Variants in LITAF observed in about 807,000 individuals in gnomAD.
The protein encoded by LITAF is lipopolysaccharide induced TNF factor.
A neutral mutation model predicts 14.5 loss-of-function variants in LITAF; 9 were observed. The observed-to-expected ratio is 0.62, with a 90% CI of 0.37 to 1.08. The LOEUF is 1.08. Ranked by LOEUF, LITAF falls within the 50% of genes least tolerant of loss-of-function variation. LITAF has a pLI of 0.01. For synonymous variants in LITAF, 98 were observed against 88.2 expected, an observed-to-expected ratio of 1.11 and a Z score of -0.62; for missense variants, 206 against 213.4, an observed-to-expected ratio of 0.97 and a Z score of 0.22.
chr16:11,576,835 T>G (rs1243855982), intron 1 of LITAF, among the ~76,000 whole-genome samples: 1 of 152,166 alleles, frequency 6.6e-6, no homozygotes, highest in African/African-American at 2.4e-5. Flanking sequence ...ATATATACCT[T>G]ATTTGGGAGT....
intron 3 of LITAF, chr16:11,551,706 C>G (rs1414483319): frequency 1.5e-6 from 1 of 663,124 alleles, no homozygotes; most frequent in Admixed American, 2.4e-5. Context: ...GTGGCACACA[C>G]CTGTGGTCCC....
intron 1 of LITAF, chr16:11,575,705 G>T (rs1597351523): frequency 6.6e-6 from 1 of 152,046 alleles, no homozygotes. Flanking sequence ...CACATCAAAG[G>T]TCTCACGGCC....
chr16:11,609,103 T>A (rs1480401532), intron 3 of LITAF, among the ~76,000 whole-genome samples: 1 of 152,082 alleles, frequency 6.6e-6, no homozygotes, highest in Non-Finnish European at 1.5e-5. Context: ...TAGACAGCGA[T>A]GGCTAAAGGG....
rs2064811165 is a variant in LITAF, at chr16:11,586,642, G to A, written c.-6+244C>T. On this transcript the variant is annotated intron_variant, in intron 1 of 3. Coordinates refer to ENST00000622633, the MANE Select transcript of LITAF (RefSeq NM_001136472.2). This position sits in a 1 kb window ranked among gnomAD's most constrained non-coding sequence, Gnocchi z 6.5. Reference sequence around the variant, plus strand: ...ACGCGCGATCGGGCCACTCTGGGACGCAGGAGCTGAACCCAACCGGAGACG... The same window carrying A: ...ACGCGCGATCGGGCCACTCTGGGACACAGGAGCTGAACCCAACCGGAGACG... Among the ~76,000 whole-genome samples, 1 of 151,804 alleles carries A rather than the reference G, an allele frequency of 6.6e-6. No homozygotes were observed. Among genetic ancestry groups the A allele is most frequent in the Non-Finnish European group, 1.5e-5 (1 of 67,852 alleles).
chr16:11,607,358 T>A (rs2064960065), intron 3 of LITAF, among the ~76,000 whole-genome samples: 1 of 152,200 alleles, frequency 6.6e-6, no homozygotes. Flanking sequence ...TAAGGGCCTG[T>A]AGGAGAAAAG....
chr16:11,563,968 A>G (rs1308317244), intron 1 of LITAF, among the ~76,000 whole-genome samples: 2 of 151,984 alleles, frequency 1.3e-5, no homozygotes, highest in Middle Eastern at 3.2e-3. Flanking sequence ...GTGTAGTGGC[A>G]TGATTTCAGC....
intron 3 of LITAF, among the ~76,000 whole-genome samples, chr16:11,616,280 C>G (rs1455294347): frequency 6.6e-6 from 1 of 152,072 alleles, no homozygotes; most frequent in Non-Finnish European, 1.5e-5. Flanking sequence ...TTGAGACCAG[C>G]CTGGGCAACA....
At chr16:11,571,121 G>A (rs1333664365) in intron 1 of LITAF, among the ~76,000 whole-genome samples, 2 of 152,130 alleles carry the variant, frequency 1.3e-5, no homozygotes, top group East Asian at 1.9e-4. Context: ...AGGCTGGAGT[G>A]TAGTAGTGCG....
intron 1 of LITAF, among the ~76,000 whole-genome samples, chr16:11,562,047 T>C (rs1260063089): frequency 6.6e-6 from 1 of 151,680 alleles, no homozygotes; most frequent in Non-Finnish European, 1.5e-5. Flanking sequence ...GCCTCTGGAG[T>C]AGGTGGGACT....
chr16:11,614,617 T>A (rs145953388), intron 3 of LITAF, among the ~76,000 whole-genome samples: 25,766 of 151,540 alleles, frequency 0.17, 2,804 homozygotes, highest in Non-Finnish European at 0.26. Context: ...GGTTTTTTTT[T>A]AAGATGGGGT....
chr16:11,600,082 C>G (rs2064917913), upstream of LITAF, among the ~76,000 whole-genome samples: 1 of 152,158 alleles, frequency 6.6e-6, no homozygotes. This position sits in a 1 kb window ranked among gnomAD's most constrained non-coding sequence, Gnocchi z 4.1. Flanking sequence ...ACGGCAGCCT[C>G]AAACTCCTAG....
intron 1 of LITAF, among the ~76,000 whole-genome samples, chr16:11,570,630 G>A (rs2064527036): frequency 6.6e-6 from 1 of 152,226 alleles, no homozygotes; most frequent in African/African-American, 2.4e-5. Context: ...AGAATCTTGA[G>A]ATGAGGGGGT....
chr16:11,639,470 G>A (rs764817674), upstream of LITAF, among the ~76,000 whole-genome samples: 16 of 151,970 alleles, frequency 1.1e-4, no homozygotes, highest in African/African-American at 3.9e-4. Context: ...TGGGTGGATG[G>A]ATGGATGGAT....
chr16:11,594,358 C>T (rs570679035), intron 1 of LITAF, among the ~76,000 whole-genome samples: 8 of 151,738 alleles, frequency 5.3e-5, no homozygotes, highest in Non-Finnish European at 1.2e-4. Flanking sequence ...AAGAGGAGGC[C>T]AGGCAGGCTA....
At chr16:11,611,731 C>T (rs2064983301) in intron 3 of LITAF, among the ~76,000 whole-genome samples, 1 of 150,944 alleles carries the variant, frequency 6.6e-6, no homozygotes, top group African/African-American at 2.4e-5. Context: ...GGTGCGATCT[C>T]GCCTCACTGC....
intron 3 of LITAF, among the ~76,000 whole-genome samples, chr16:11,616,282 T>C (rs1567264680): frequency 6.6e-6 from 1 of 152,140 alleles, no homozygotes; most frequent in Non-Finnish European, 1.5e-5. Context: ...GAGACCAGCC[T>C]GGGCAACATG....
chr16:11,638,109 T>TAGATAGATAG (rs1567271187), upstream of LITAF, among the ~76,000 whole-genome samples: 10 of 68,660 alleles, frequency 1.5e-4, no homozygotes, highest in African/African-American at 1.0e-3. Context: ...TATATATATA[T>TAGATAGATAG]CTATCTATAT....
upstream of LITAF, chr16:11,587,562 G>A (rs528370418): frequency 7.4e-6 from 3 of 404,908 alleles, no homozygotes; most frequent in South Asian, 5.3e-5. Flanking sequence ...AAAGTTTTTA[G>A]CACAGGATAG....
Position 11,553,735 on chromosome 16 carries a change from G to T in LITAF, c.221-46C>A, listed in dbSNP as rs2064221540. 6.2e-6 allele frequency: 10 copies of T among 1,606,640 alleles called. No homozygotes were observed. Among genetic ancestry groups the T allele is most frequent in the Non-Finnish European group, 8.5e-6 (10 of 1,174,010 alleles). ...AAACACAGGTTGCTCAGGAAACAAG[G>T]CCAATAGCATTCACTACAGGACAAA... is the stretch of plus-strand genomic sequence containing the variant. On this transcript the variant is annotated intron_variant, in intron 2 of 3. Coordinates refer to ENST00000622633, the MANE Select transcript of LITAF (RefSeq NM_001136472.2). The surrounding 1 kb of genome is among the most constrained non-coding windows in gnomAD (Gnocchi z 7.7).
Sources: gnomAD v4.1 joint callset for allele counts (sites outside exome capture counted in the v4.1 genomes callset) on GRCh38, gnomAD v4.1.1 for gene constraint, Gnocchi (gnomAD v3.1) non-coding constraint, MANE v1.5 for transcripts, NCBI Gene and HGNC (gene_info 2026-07-23, HGNC 2026-07-21) for gene names.